The following AUTS2 variants were observed in gnomAD, a reference collection of about 807,000 sequenced individuals.
AUTS2 encodes the protein autism susceptibility gene 2 protein.
AUTS2 carries 17 observed loss-of-function variants against 112.4 expected under a neutral mutation model. The ratio of observed to expected loss-of-function variants is 0.15; its 90% CI spans 0.10 to 0.23. AUTS2 has a LOEUF of 0.23. Among genes scored for constraint, AUTS2 ranks in the 10% least tolerant of loss-of-function variants. The probability of loss-of-function intolerance (pLI) is 1.00; values close to 1 mark genes in which losing one functional copy is unlikely to be tolerated. For missense variants in AUTS2, 1,510 were observed against 1,701.6 expected, an observed-to-expected ratio of 0.89 and a Z score of 1.98; for synonymous variants, 751 against 702.7, an observed-to-expected ratio of 1.07 and a Z score of -1.09.
At chr7:69,882,054 G>A (rs1481670744) in intron 1 of AUTS2, among the ~76,000 whole-genome samples, 2 of 150,904 alleles carry the variant, frequency 1.3e-5, no homozygotes, top group Non-Finnish European at 2.9e-5. Context: ...GGAGGCTGAG[G>A]CAGGAGAATC....
In AUTS2 at chr7:70,655,436, A is replaced by G. The variant is rs576467920; in HGVS notation, c.691-43133A>G. 3.3e-5 allele frequency among the ~76,000 whole-genome samples: 5 copies of G among 152,348 alleles called. No homozygotes were observed. In the South Asian group the frequency reaches 1.0e-3, roughly 32 times the overall value. ...GGACCTAGGACCCTTCCACCTTCCT[A>G]TGCTGCCATCTCAGTGTTGGGGGAT... On this transcript the variant is annotated intron_variant, in intron 5 of 18. Transcript: ENST00000342771.
At chr7:70,113,188 A>G (rs911083096) in intron 2 of AUTS2, among the ~76,000 whole-genome samples, 4 of 152,156 alleles carry the variant, frequency 2.6e-5, no homozygotes, top group African/African-American at 7.2e-5. Context: ...ACTTAAAGAT[A>G]CAATATAGTT....
intron 5 of AUTS2, among the ~76,000 whole-genome samples, chr7:70,518,760 G>A (rs1799524100): frequency 6.6e-6 from 1 of 152,188 alleles, no homozygotes; most frequent in Admixed American, 6.5e-5. Context: ...CTGGAGTACA[G>A]TGATGCTATC....
chr7:70,448,220 T>A (rs1331547173), intron 5 of AUTS2, among the ~76,000 whole-genome samples: 3 of 152,182 alleles, frequency 2.0e-5, no homozygotes, highest in Non-Finnish European at 2.9e-5. Context: ...ATTCCAAGCT[T>A]GAAATGTTAC....
At chr7:69,680,105 C>T (rs183067365) in intron 1 of AUTS2, among the ~76,000 whole-genome samples, 5 of 152,222 alleles carry the variant, frequency 3.3e-5, no homozygotes, top group East Asian at 1.9e-4. Flanking sequence ...TTTAATGGCA[C>T]GTGTATGTTA....
rs545259546 is a variant in AUTS2 at position 70,335,855 on chromosome 7, A to G, written c.661-99897A>G. ...TCAAGCAGTATTAATGAAGAAGCCA[A>G]TTGTGCATGACATAGTGCAGGTCTC... On this transcript the variant is annotated intron_variant, in intron 4 of 18. Transcript: ENST00000342771. 5.9e-5 allele frequency among the ~76,000 whole-genome samples: 9 copies of G among 152,328 alleles called. No individual in the cohort carries two copies. The East Asian group carries it at 7.7e-4, about 13-fold the overall frequency.
chr7:70,506,856 C>T (rs1798985040), intron 5 of AUTS2, among the ~76,000 whole-genome samples: 2 of 152,206 alleles, frequency 1.3e-5, no homozygotes, highest in South Asian at 2.1e-4. Flanking sequence ...TGTGTCCCAA[C>T]CTACTCTGGG....
At chr7:70,305,942 G>C (rs1214114730) in intron 4 of AUTS2, among the ~76,000 whole-genome samples, 1 of 151,796 alleles carries the variant, frequency 6.6e-6, no homozygotes. Flanking sequence ...GAAGGATTCA[G>C]GAAAGAAAAT....
chr7:70,566,757 A>G (rs1801724965), intron 5 of AUTS2, among the ~76,000 whole-genome samples: 1 of 152,258 alleles, frequency 6.6e-6, no homozygotes, highest in South Asian at 2.1e-4. Context: ...AAAAGAATGC[A>G]TGAAACTTAT....
chr7:70,002,011 T>C (rs1799221358), intron 2 of AUTS2, among the ~76,000 whole-genome samples: 1 of 152,202 alleles, frequency 6.6e-6, no homozygotes, highest in African/African-American at 2.4e-5. Flanking sequence ...ACACCCGGCC[T>C]TCATTGTCAT....
At chr7:69,601,219 G>A (rs959225771) in intron 1 of AUTS2, among the ~76,000 whole-genome samples, 2 of 152,180 alleles carry the variant, frequency 1.3e-5, no homozygotes, top group South Asian at 4.2e-4. Flanking sequence ...CCAAGATACG[G>A]TTTATAGTTG....
chr7:70,032,605 C>T (rs560833660), intron 2 of AUTS2, among the ~76,000 whole-genome samples: 2 of 152,174 alleles, frequency 1.3e-5, no homozygotes, highest in East Asian at 3.9e-4. Context: ...TTCCTGTGGA[C>T]CCTTTAAGCC....
At chr7:70,256,284 T>G (rs532995412) in intron 4 of AUTS2, among the ~76,000 whole-genome samples, 1 of 152,320 alleles carries the variant, frequency 6.6e-6, no homozygotes, top group African/African-American at 2.4e-5. Context: ...TGCAGTGTGT[T>G]GGGTTAATAA....
intron 4 of AUTS2, among the ~76,000 whole-genome samples, chr7:70,300,692 G>A (rs1789172985): frequency 6.6e-6 from 1 of 152,110 alleles, no homozygotes; most frequent in African/African-American, 2.4e-5. Context: ...CGATGTTTTG[G>A]GAAGGGATTG....
At chr7:70,551,264 A>G (rs1335667372) in intron 5 of AUTS2, among the ~76,000 whole-genome samples, 1 of 151,988 alleles carries the variant, frequency 6.6e-6, no homozygotes, top group African/African-American at 2.4e-5. Context: ...ATAATGCCCC[A>G]CTCCCTCAAT....
intron 4 of AUTS2, among the ~76,000 whole-genome samples, chr7:70,237,594 T>C (rs968469810): frequency 6.6e-6 from 1 of 152,258 alleles, no homozygotes; most frequent in Non-Finnish European, 1.5e-5. Flanking sequence ...TTATCCTAAT[T>C]AAAGAATCTC....
At chr7:69,802,248 C>A (rs1330200110) in intron 1 of AUTS2, among the ~76,000 whole-genome samples, 1 of 152,120 alleles carries the variant, frequency 6.6e-6, no homozygotes, top group Non-Finnish European at 1.5e-5. Flanking sequence ...TGGAAAAGGC[C>A]CTAAGGAAAA....
At chr7:69,721,128 A>G (rs1051076474) in intron 1 of AUTS2, among the ~76,000 whole-genome samples, 1 of 152,208 alleles carries the variant, frequency 6.6e-6, no homozygotes, top group African/African-American at 2.4e-5. Flanking sequence ...TTGTTCATCC[A>G]GGTTTGAGCA....
intron 1 of AUTS2, chr7:69,824,562 T>G (rs916194608): frequency 3.3e-5 from 5 of 151,982 alleles, no homozygotes; most frequent in Admixed American, 3.3e-4. Flanking sequence ...CCGATCTTGG[T>G]TGGGCTTCAC....
Sources: gnomAD v4.1 joint callset for allele counts (sites outside exome capture counted in the v4.1 genomes callset) on GRCh38, gnomAD v4.1.1 for gene constraint, MANE v1.5 for transcripts, NCBI Gene and HGNC (gene_info 2026-07-23, HGNC 2026-07-21) for gene names.